FOXK2: variants seen among roughly 807,000 people sequenced by gnomAD.
FOXK2 encodes forkhead box protein K2.
FOXK2 carries 24 observed loss-of-function variants against 53.3 expected under a neutral mutation model. That is an observed-to-expected ratio of 0.45 (90% confidence interval 0.33 to 0.63). The LOEUF (loss-of-function observed/expected upper bound fraction) is 0.63. FOXK2 is among the 30% of genes least tolerant of loss of function. The pLI is 0.03. For synonymous variants in FOXK2, 505 were observed against 407.1 expected (o/e 1.24, Z -2.89); for missense variants, 952 against 910.5 (o/e 1.05, Z -0.59).
intron 1 of FOXK2, among the ~76,000 whole-genome samples, chr17:82,554,376 A>G (rs1202509372): frequency 1.3e-5 from 2 of 152,146 alleles, no homozygotes; most frequent in Non-Finnish European, 2.9e-5. Context: ...TGAGTCTGTT[A>G]ATTCATAAAC....
chr17:82,543,666 G>C (rs2044594625), intron 1 of FOXK2, among the ~76,000 whole-genome samples: 1 of 151,256 alleles, frequency 6.6e-6, no homozygotes, highest in South Asian at 2.1e-4. Context: ...GGTCTTGCTA[G>C]AGTGCAGTGG....
At chr17:82,524,276 G>A (rs921122896) in intron 1 of FOXK2, among the ~76,000 whole-genome samples, 51 of 152,150 alleles carry the variant, frequency 3.4e-4, no homozygotes, top group Admixed American at 3.3e-3. Flanking sequence ...GTAACAACCC[G>A]TCGTTGGTCT....
intron 1 of FOXK2, among the ~76,000 whole-genome samples, chr17:82,530,510 G>GTTTT (rs753680491): frequency 3.5e-5 from 4 of 114,616 alleles, no homozygotes; most frequent in Non-Finnish European, 5.3e-5. Context: ...CTACTGATGT[G>GTTTT]TTTTTTTTTT....
chr17:82,564,981 C>T (rs1424607944), intron 2 of FOXK2, among the ~76,000 whole-genome samples: 14 of 152,044 alleles, frequency 9.2e-5, no homozygotes, highest in Non-Finnish European at 1.9e-4. Flanking sequence ...CCGCCTGCCT[C>T]GGCCTCCCAA....
chr17:82,547,928 C>T (rs765162501), intron 1 of FOXK2, among the ~76,000 whole-genome samples: 12 of 152,174 alleles, frequency 7.9e-5, no homozygotes, highest in Non-Finnish European at 1.6e-4. Context: ...ATTTGAGGTT[C>T]ATCAGTGTTA....
rs777223222 is a variant in FOXK2 at position 82,584,169 on chromosome 17, G to T, written c.1260G>T (p.Arg420=). The change falls in exon 6 of 9, where the codon CGG becomes CGT. Residue 420 remains arginine, a synonymous_variant. Transcript: ENST00000335255. Reference sequence around the variant, plus strand: ...AACTCGCTGTCATCCAGGAAGCCCGGTTTGCCCAGAGCGCCCCAGGTGAGA... The same window carrying T: ...AACTCGCTGTCATCCAGGAAGCCCGTTTTGCCCAGAGCGCCCCAGGTGAGA... ...QPKLAVIQEA[R]FAQSAPGSPL... The T allele has an allele frequency of 6.8e-6, 11 of 1,606,260 alleles. No homozygotes were observed. The African/African-American group carries it at 9.4e-5, about 14-fold the overall frequency.
chr17:82,582,674 C>T (rs990247536), intron 4 of FOXK2, 67 bp from the exon 5 acceptor site: 28 of 1,359,582 alleles, frequency 2.1e-5, no homozygotes, highest in African/African-American at 3.0e-5. Flanking sequence ...GGCACTAAAA[C>T]GAGGACACAT....
chr17:82,521,774 C>CAA (rs768862024), intron 1 of FOXK2, among the ~76,000 whole-genome samples: 1,737 of 116,472 alleles, frequency 0.015, 19 homozygotes, highest in Admixed American at 0.04. Context: ...ACTAAAAATA[C>CAA]AAAAAAAAAA....
chr17:82,601,589 T>A lies in FOXK2; in HGVS notation c.*90T>A, dbSNP rs1351083770. The A allele has an allele frequency of 2.2e-6, 3 of 1,339,384 alleles. No individual in the cohort carries two copies. The highest frequency in any genetic ancestry group is 3.0e-6 in the Non-Finnish European group (3 of 998,258). 83.0% of individuals were successfully genotyped at this position (1,339,384 alleles called of 1,614,324 possible). On this transcript the variant is annotated 3_prime_UTR_variant, in exon 9 of 9. Coordinates refer to ENST00000335255, the MANE Select transcript of FOXK2 (RefSeq NM_004514.4). ...GCCAGCACTCGGGGGTGCAGGGCCC[T>A]GTGGTTGGACTTCACCTCTCAGCAC... is the stretch of plus-strand genomic sequence containing the variant.
At chr17:82,592,259 T>C (rs1239693535) in intron 8 of FOXK2, among the ~76,000 whole-genome samples, 2 of 152,242 alleles carry the variant, frequency 1.3e-5, no homozygotes, top group Non-Finnish European at 2.9e-5. Context: ...GGCCAGGGCC[T>C]CGCCTGCTCA....
chr17:82,573,514 A>C (rs1467565064), intron 4 of FOXK2, among the ~76,000 whole-genome samples: 1 of 151,304 alleles, frequency 6.6e-6, no homozygotes, highest in Non-Finnish European at 1.5e-5. Flanking sequence ...CTGTGCTTCA[A>C]ACTATATACA....
At chr17:82,522,030 C>T (rs1461937467) in intron 1 of FOXK2, among the ~76,000 whole-genome samples, 5 of 140,938 alleles carry the variant, frequency 3.5e-5, no homozygotes, top group Admixed American at 1.4e-4. Flanking sequence ...AATGGCTACC[C>T]TTTAATCTGA....
At chr17:82,520,379 G>A in intron 1 of FOXK2, 72 bp downstream of exon 1, 1 of 1,178,050 alleles carries the variant, frequency 8.5e-7, no homozygotes, top group Non-Finnish European at 1.1e-6. Context: ...CGGGACACGC[G>A]CCCAGGCCCG....
chr17:82,574,717 G>A (rs112098031), intron 4 of FOXK2, among the ~76,000 whole-genome samples: 193 of 152,246 alleles, frequency 1.3e-3, no homozygotes, highest in African/African-American at 4.5e-3. Context: ...TCTCTGAGCC[G>A]CCCTTCCCAG....
At chr17:82,558,724 G>A (rs1349235826) in intron 1 of FOXK2, among the ~76,000 whole-genome samples, 4 of 152,174 alleles carry the variant, frequency 2.6e-5, no homozygotes, top group Admixed American at 1.3e-4. Context: ...GACACCAGAT[G>A]TGTCTGTGGG....
intron 1 of FOXK2, among the ~76,000 whole-genome samples, chr17:82,556,359 G>A (rs544856045): frequency 2.6e-5 from 4 of 151,934 alleles, no homozygotes; most frequent in Non-Finnish European, 4.4e-5. Flanking sequence ...CAGGAGGATC[G>A]CTTGAACCAG....
chr17:82,571,561 A>G (rs1458447690), intron 3 of FOXK2, among the ~76,000 whole-genome samples, 163 bp from the exon 4 acceptor site: 3 of 152,214 alleles, frequency 2.0e-5, no homozygotes, highest in Non-Finnish European at 4.4e-5. Context: ...AGATCGCGTC[A>G]CTGTACTCCA....
intron 4 of FOXK2, among the ~76,000 whole-genome samples, chr17:82,572,925 C>T (rs1407032188): frequency 1.3e-5 from 2 of 152,142 alleles, no homozygotes; most frequent in African/African-American, 4.8e-5. Flanking sequence ...GGCACAGTAA[C>T]TCATGCCTAT....
At chr17:82,523,505 T>A (rs1340831758) in intron 1 of FOXK2, among the ~76,000 whole-genome samples, 1 of 151,144 alleles carries the variant, frequency 6.6e-6, no homozygotes, top group East Asian at 1.9e-4. Context: ...AGTTTTTCGC[T>A]CTTGTTGCCT....
Sources: allele counts gnomAD v4.1 joint callset (sites outside exome capture counted in the v4.1 genomes callset), GRCh38; gene constraint gnomAD v4.1.1; transcripts MANE v1.5; gene names NCBI Gene and HGNC (gene_info 2026-07-23, HGNC 2026-07-21).